MAGI2: variants seen among roughly 807,000 people sequenced by gnomAD.
MAGI2 encodes the protein membrane-associated guanylate kinase, WW and PDZ domain-containing protein 2.
A neutral mutation model predicts 133.3 loss-of-function variants in MAGI2; 35 were observed. The observed-to-expected ratio is 0.26, with a 90% CI of 0.20 to 0.35. The LOEUF (loss-of-function observed/expected upper bound fraction) is 0.35. Among genes scored for constraint, MAGI2 ranks in the 10% least tolerant of loss-of-function variants. The probability of loss-of-function intolerance (pLI) is 1.00; values close to 1 mark genes in which losing one functional copy is unlikely to be tolerated. For synonymous variants in MAGI2, 729 were observed against 710.6 expected, an observed-to-expected ratio of 1.03 and a Z score of -0.41; for missense variants, 1,636 against 1,863.4, an observed-to-expected ratio of 0.88 and a Z score of 2.25.
chr7:78,389,580 A>C (rs1233790274), intron 6 of MAGI2, among the ~76,000 whole-genome samples: 1 of 152,184 alleles, frequency 6.6e-6, no homozygotes, highest in Non-Finnish European at 1.5e-5. Flanking sequence ...CCCTAGACAG[A>C]TATTTGGGTA....
At chr7:78,573,141 A>G (rs1801740146) in intron 3 of MAGI2, among the ~76,000 whole-genome samples, 1 of 102,854 alleles carries the variant, frequency 9.7e-6, no homozygotes, top group African/African-American at 3.8e-5. Context: ...ACACATACAC[A>G]TATATATATA....
At chr7:79,181,186 G>C (rs1826587383) in intron 1 of MAGI2, among the ~76,000 whole-genome samples, 1 of 151,988 alleles carries the variant, frequency 6.6e-6, no homozygotes, top group Non-Finnish European at 1.5e-5. Flanking sequence ...TGCCCCAGTA[G>C]AGACTCTGTG....
chr7:78,070,218 T>TAC (rs374567182), intron 21 of MAGI2, among the ~76,000 whole-genome samples: 120 of 52,232 alleles, frequency 2.3e-3, no homozygotes, highest in East Asian at 0.013. Flanking sequence ...TATATATATA[T>TAC]ACACACACAC....
chr7:78,741,233 G>A (rs896900303), intron 2 of MAGI2, among the ~76,000 whole-genome samples: 44 of 152,124 alleles, frequency 2.9e-4, no homozygotes, highest in African/African-American at 8.9e-4. Flanking sequence ...AGAAGAGACA[G>A]CTTTCAAACA....
intron 3 of MAGI2, among the ~76,000 whole-genome samples, chr7:78,578,944 C>T (rs1292554787): frequency 1.3e-5 from 2 of 152,106 alleles, no homozygotes; most frequent in African/African-American, 2.4e-5. Context: ...GAAGCTTTTC[C>T]CAATCACTTT....
intron 10 of MAGI2, among the ~76,000 whole-genome samples, chr7:78,243,174 T>A (rs972645556): frequency 1.3e-5 from 2 of 150,242 alleles, no homozygotes; most frequent in Non-Finnish European, 2.9e-5. Context: ...TCTAAAATAT[T>A]TGGGGGTAAA....
intron 1 of MAGI2, among the ~76,000 whole-genome samples, chr7:79,016,579 A>C (rs1808756645): frequency 6.6e-6 from 1 of 151,368 alleles, no homozygotes; most frequent in Non-Finnish European, 1.5e-5. Flanking sequence ...GTCCACAACC[A>C]CCCCCCTACA....
intron 1 of MAGI2, among the ~76,000 whole-genome samples, chr7:79,276,101 T>A (rs1346385695): frequency 1.3e-5 from 2 of 152,166 alleles, no homozygotes; most frequent in South Asian, 2.1e-4. Context: ...GAATACATTA[T>A]GTAAGGCTGT....
chr7:79,327,255 G>A (rs553513597), intron 1 of MAGI2, among the ~76,000 whole-genome samples: 19 of 152,250 alleles, frequency 1.2e-4, no homozygotes, highest in African/African-American at 4.3e-4. Context: ...TGCCATAAAC[G>A]TGTTTGATAG....
intron 1 of MAGI2, among the ~76,000 whole-genome samples, chr7:79,449,353 AT>A (rs11439144): frequency 1.0e-3 from 147 of 142,846 alleles, no homozygotes; most frequent in African/African-American, 1.3e-3. Flanking sequence ...AAGAATTAGA[AT>A]TTTTTTTTTT....
At chr7:78,895,187 A>C (rs564128177) in intron 2 of MAGI2, among the ~76,000 whole-genome samples, 1 of 152,290 alleles carries the variant, frequency 6.6e-6, no homozygotes, top group Non-Finnish European at 1.5e-5. Flanking sequence ...TATAAAAGCC[A>C]GGCTGGCTCT....
At chr7:79,223,021 A>G (rs1291670220) in intron 1 of MAGI2, among the ~76,000 whole-genome samples, 3 of 151,890 alleles carry the variant, frequency 2.0e-5, no homozygotes, top group African/African-American at 7.3e-5. Flanking sequence ...AGTAGCTGGG[A>G]CTACAGGCAC....
intron 21 of MAGI2, among the ~76,000 whole-genome samples, chr7:78,033,197 T>G (rs2151065926): frequency 6.6e-6 from 1 of 152,230 alleles, no homozygotes; most frequent in African/African-American, 2.4e-5. Flanking sequence ...AGAGTGGACC[T>G]GCTGATGGAT....
At chr7:78,382,432 C>T (rs571874924) in intron 6 of MAGI2, among the ~76,000 whole-genome samples, 41 of 151,888 alleles carry the variant, frequency 2.7e-4, no homozygotes, top group African/African-American at 9.2e-4. Flanking sequence ...GCTAACCAGT[C>T]AAAAAAATTA....
intron 9 of MAGI2, among the ~76,000 whole-genome samples, chr7:78,301,216 C>T (rs1797790867): frequency 6.6e-6 from 1 of 152,092 alleles, no homozygotes; most frequent in South Asian, 2.1e-4. Context: ...AGATGCCAGA[C>T]ATAAAAGCAC....
chr7:79,207,860 T>C (rs148696380), intron 1 of MAGI2, among the ~76,000 whole-genome samples: 315 of 151,890 alleles, frequency 2.1e-3, no homozygotes, highest in Admixed American at 3.5e-3. Flanking sequence ...TGAAACAGAA[T>C]AGAGAGCTCA....
chr7:78,926,992 T>G (rs576553172), intron 2 of MAGI2, among the ~76,000 whole-genome samples: 64 of 152,122 alleles, frequency 4.2e-4, no homozygotes, highest in Admixed American at 1.4e-3. Flanking sequence ...ACAATAACTG[T>G]AATACTAAAT....
chr7:78,929,905 C>A (rs776311137), intron 2 of MAGI2, among the ~76,000 whole-genome samples: 13 of 152,014 alleles, frequency 8.6e-5, no homozygotes, highest in Non-Finnish European at 1.8e-4. Context: ...ACAAACCCAG[C>A]TAAAAATAAG....
In MAGI2 at chr7:79,424,703, A is replaced by C. The variant is rs140201861; in HGVS notation, c.301+28317T>G. On this transcript the variant is annotated intron_variant, in intron 1 of 21. Coordinates refer to ENST00000354212, the MANE Select transcript of MAGI2 (RefSeq NM_012301.4). ...TTTGTCCATTTAAAAAATAAGTTTC[A>C]AAAAAAGAAATAATATACTAAAGAC... 2.8e-4 allele frequency among the ~76,000 whole-genome samples: 43 copies of C among 152,246 alleles called. No homozygotes were observed. In the East Asian group the frequency reaches 6.8e-3, roughly 24 times the overall value.
Sources: gnomAD v4.1 joint callset for allele counts (sites outside exome capture counted in the v4.1 genomes callset) on GRCh38, gnomAD v4.1.1 for gene constraint, MANE v1.5 for transcripts, NCBI Gene and HGNC (gene_info 2026-07-23, HGNC 2026-07-21) for gene names.